Variants in ARL15 observed in about 807,000 individuals in gnomAD.
ARL15 encodes ARF like GTPase 15, also known as ADP-ribosylation factor-like protein 15.
A neutral mutation model predicts 25.2 loss-of-function variants in ARL15; 19 were observed. The ratio of observed to expected loss-of-function variants is 0.75; its 90% confidence interval spans 0.53 to 1.10. The LOEUF is 1.10. ARL15 is among the 50% of genes least tolerant of loss of function. The pLI is 0.00. For synonymous variants in ARL15, 94 were observed against 86.8 expected, an observed-to-expected ratio of 1.08 and a Z score of -0.46; for missense variants, 220 against 246.0, an observed-to-expected ratio of 0.89 and a Z score of 0.71.
chr5:54,181,850 G>A (rs1022431456), intron 1 of ARL15, among the ~76,000 whole-genome samples: 1 of 151,154 alleles, frequency 6.6e-6, no homozygotes, highest in African/African-American at 2.4e-5. Flanking sequence ...TCTAACTGGT[G>A]TGAGATGATA....
intron 4 of ARL15, among the ~76,000 whole-genome samples, chr5:54,019,025 T>G (rs1749508981): frequency 6.6e-6 from 1 of 152,176 alleles, no homozygotes; most frequent in Non-Finnish European, 1.5e-5. Context: ...TGTTAAACAG[T>G]TTTTTGTCAA....
chr5:54,299,807 T>C (rs1758569355), intron 1 of ARL15, among the ~76,000 whole-genome samples: 2 of 152,068 alleles, frequency 1.3e-5, no homozygotes, highest in Admixed American at 6.6e-5. Context: ...CCAGATGGTC[T>C]GGATCTCCTG....
At chr5:53,890,869 A>C (rs1744685842) in intron 4 of ARL15, among the ~76,000 whole-genome samples, 1 of 152,212 alleles carries the variant, frequency 6.6e-6, no homozygotes, top group African/African-American at 2.4e-5. Context: ...GAGACATTAC[A>C]TAGCACTGGA....
intron 3 of ARL15, among the ~76,000 whole-genome samples, chr5:54,139,389 T>C (rs1753705461): frequency 6.6e-6 from 1 of 152,226 alleles, no homozygotes; most frequent in African/African-American, 2.4e-5. Context: ...TAGAGGTCAT[T>C]ATTCTAAGTG....
chr5:54,280,971 G>T (rs1482048263), intron 1 of ARL15, among the ~76,000 whole-genome samples: 1 of 149,420 alleles, frequency 6.7e-6, no homozygotes, highest in African/African-American at 2.5e-5. Context: ...ACACAGGCTG[G>T]TGGAAAAAAA....
intron 4 of ARL15, among the ~76,000 whole-genome samples, chr5:53,933,642 C>CAAAAAA (rs34912827): frequency 3.9e-5 from 3 of 76,016 alleles, no homozygotes; most frequent in African/African-American, 1.0e-4. Flanking sequence ...GAGACTGTCT[C>CAAAAAA]AAAAAAAAAA....
chr5:54,035,109 A>C (rs1386617703), intron 4 of ARL15, among the ~76,000 whole-genome samples: 1 of 152,186 alleles, frequency 6.6e-6, no homozygotes, highest in Non-Finnish European at 1.5e-5. Flanking sequence ...AATTAAAAAA[A>C]AACCTGTCAG....
At chr5:54,038,557 G>A (rs1750239751) in intron 4 of ARL15, among the ~76,000 whole-genome samples, 2 of 151,850 alleles carry the variant, frequency 1.3e-5, no homozygotes, top group Admixed American at 1.3e-4. Context: ...ATACCTTAAA[G>A]GTAATTGAAT....
At chr5:54,150,781 G>A (rs1388978303) in intron 3 of ARL15, among the ~76,000 whole-genome samples, 3 of 147,872 alleles carry the variant, frequency 2.0e-5, no homozygotes, top group Non-Finnish European at 4.4e-5. Flanking sequence ...CTGGGCAACG[G>A]AGCAAGACTC....
chr5:54,156,567 T>C (rs569441357), intron 2 of ARL15, among the ~76,000 whole-genome samples: 1 of 152,324 alleles, frequency 6.6e-6, no homozygotes, highest in East Asian at 1.9e-4. Context: ...TGCTCACTTA[T>C]TAATCTAAGT....
chr5:54,118,287 T>C (rs1013824313), intron 3 of ARL15, among the ~76,000 whole-genome samples: 1 of 152,180 alleles, frequency 6.6e-6, no homozygotes, highest in Non-Finnish European at 1.5e-5. Context: ...ACTTTCTTCA[T>C]ATACTTCAAC....
chr5:54,071,979 GA>G (rs71989027), intron 4 of ARL15, among the ~76,000 whole-genome samples: 28,500 of 126,114 alleles, frequency 0.23, 2,561 homozygotes, highest in African/African-American at 0.39. Flanking sequence ...CTCAAAAAAA[GA>G]AAAAAAAAAA....
chr5:54,092,149 G>A (rs374256023), intron 4 of ARL15, among the ~76,000 whole-genome samples: 22 of 151,900 alleles, frequency 1.4e-4, no homozygotes, highest in East Asian at 1.4e-3. Flanking sequence ...GAAAATACAC[G>A]TACAAATATA....
chr5:54,072,341 T>C (rs16882121), intron 4 of ARL15, among the ~76,000 whole-genome samples: 23,000 of 152,048 alleles, frequency 0.15, 2,105 homozygotes, highest in African/African-American at 0.25. Flanking sequence ...ATGGGGACAG[T>C]GTGAAAAACC....
chr5:54,217,783 C>A (rs1052230479), intron 1 of ARL15, among the ~76,000 whole-genome samples: 126 of 152,110 alleles, frequency 8.3e-4, no homozygotes, highest in African/African-American at 3.0e-3. Context: ...TTATTGTTAA[C>A]CATTTTATAT....
At chr5:54,038,659 A>T (rs1750242791) in intron 4 of ARL15, among the ~76,000 whole-genome samples, 1 of 152,120 alleles carries the variant, frequency 6.6e-6, no homozygotes, top group East Asian at 1.9e-4. Context: ...TGTAAGATTA[A>T]GTGATAAACT....
chr5:54,100,680 T>C (rs1352857280), intron 4 of ARL15, among the ~76,000 whole-genome samples: 3 of 152,082 alleles, frequency 2.0e-5, no homozygotes, highest in Non-Finnish European at 4.4e-5. Context: ...AGTACCATCT[T>C]TAAGAAAATC....
At chr5:54,245,984 AGTT>A (rs904754105) in intron 1 of ARL15, among the ~76,000 whole-genome samples, 1 of 152,174 alleles carries the variant, frequency 6.6e-6, no homozygotes, top group African/African-American at 2.4e-5. Context: ...TAGTTCAAAG[AGTT>A]ATCAACACTG....
At chr5:53,952,330 G>A (rs1048713883) in intron 4 of ARL15, among the ~76,000 whole-genome samples, 2 of 151,974 alleles carry the variant, frequency 1.3e-5, no homozygotes, top group Non-Finnish European at 2.9e-5. Flanking sequence ...GACAATAACT[G>A]TTTTTTATGT....
Sources: gnomAD v4.1 joint callset for allele counts (sites outside exome capture counted in the v4.1 genomes callset) on GRCh38, gnomAD v4.1.1 for gene constraint, MANE v1.5 for transcripts, NCBI Gene and HGNC (gene_info 2026-07-23, HGNC 2026-07-21) for gene names.